Variants in FRMPD4 observed in about 807,000 individuals in gnomAD.
FRMPD4 encodes the protein FERM and PDZ domain containing 4.
Under a neutral mutation model 94.1 loss-of-function variants are expected in FRMPD4, and 22 were observed. That is an observed-to-expected ratio of 0.23 (90% confidence interval 0.17 to 0.33). The LOEUF is 0.33. Among genes scored for constraint, FRMPD4 ranks in the 10% least tolerant of loss-of-function variants. The pLI, the probability that FRMPD4 is intolerant of heterozygous loss-of-function variation, is 1.00. For missense variants in FRMPD4, 1,111 were observed against 1,339.9 expected (o/e 0.83, Z 2.67); for synonymous variants, 631 against 548.6 (o/e 1.15, Z -2.10).
At chrX:12,366,061 A>G (rs1223893936) in intron 1 of FRMPD4, among the ~76,000 whole-genome samples, 1 of 112,104 alleles carries the variant, frequency 8.9e-6, no homozygotes, top group Admixed American at 9.5e-5. Flanking sequence ...AGGGGTTGGG[A>G]TAGAGTTGGA....
intron 3 of FRMPD4, among the ~76,000 whole-genome samples, chrX:11,952,784 C>A (rs1451282537): frequency 8.9e-6 from 1 of 111,738 alleles, no homozygotes; most frequent in Non-Finnish European, 1.9e-5. Flanking sequence ...GACTTTTGGG[C>A]CAAGGATGGC....
At chrX:12,305,179 C>G (rs1040945565) in intron 1 of FRMPD4, among the ~76,000 whole-genome samples, 1 of 112,080 alleles carries the variant, frequency 8.9e-6, no homozygotes, top group Non-Finnish European at 1.9e-5. Flanking sequence ...AGATAGAGGA[C>G]AGGGGAGAGG....
chrX:12,347,751 AATT>A (rs1326842058), intron 1 of FRMPD4, among the ~76,000 whole-genome samples: 1 of 111,589 alleles, frequency 9.0e-6, no homozygotes, highest in African/African-American at 3.3e-5. Context: ...AGTTCATTTA[AATT>A]ATTATTTAAA....
intron 8 of FRMPD4, among the ~76,000 whole-genome samples, chrX:12,692,755 A>C (rs747391708): frequency 4.3e-4 from 48 of 112,606 alleles, no homozygotes; most frequent in Admixed American, 1.4e-3. Flanking sequence ...TTCAAGAAAG[A>C]AAAGTTGAAC....
intron 1 of FRMPD4, among the ~76,000 whole-genome samples, chrX:11,824,255 G>T (rs113734082): frequency 0.049 from 5,345 of 109,858 alleles, 301 homozygotes; most frequent in African/African-American, 0.17. Context: ...AACAAGTTAA[G>T]TTTGGGGCAC....
At chrX:12,657,085 TA>T (rs149487975) in intron 4 of FRMPD4, among the ~76,000 whole-genome samples, 58 of 93,341 alleles carry the variant, frequency 6.2e-4, no homozygotes, top group South Asian at 1.0e-3. Context: ...AAACTCCTTC[TA>T]AAAAAAAAAA....
At chrX:11,997,119 A>AG (rs2054500489) in intron 3 of FRMPD4, among the ~76,000 whole-genome samples, 1 of 111,474 alleles carries the variant, frequency 9.0e-6, no homozygotes, top group Non-Finnish European at 1.9e-5. Context: ...TGGTGGTGTT[A>AG]GGAAACAAGG....
At chrX:12,516,069 C>T (rs1338307611) in intron 2 of FRMPD4, among the ~76,000 whole-genome samples, 1 of 111,565 alleles carries the variant, frequency 9.0e-6, no homozygotes, top group African/African-American at 3.3e-5. Context: ...TTTTCTATCC[C>T]TTTATTTTGA....
chrX:12,542,638 A>G (rs1404282687), intron 2 of FRMPD4, among the ~76,000 whole-genome samples: 1 of 112,048 alleles, frequency 8.9e-6, no homozygotes, highest in Admixed American at 9.5e-5. Flanking sequence ...AGAAGAATCA[A>G]TATCATGAAA....
intron 3 of FRMPD4, among the ~76,000 whole-genome samples, chrX:11,897,150 C>CAAAAAAAAAAAA (rs997285182): frequency 7.4e-5 from 3 of 40,611 alleles, no homozygotes; most frequent in Admixed American, 2.8e-4. Flanking sequence ...GGATGAATTA[C>CAAAAAAAAAAAA]AAAAAAAAAA....
chrX:12,133,989 G>A (rs767188745), upstream of FRMPD4, among the ~76,000 whole-genome samples: 4 of 111,870 alleles, frequency 3.6e-5, no homozygotes, highest in South Asian at 1.1e-3. Context: ...TTCATTTAAC[G>A]CGTTACTCTT....
chrX:12,163,774 C>T (rs950717715), intron 1 of FRMPD4, among the ~76,000 whole-genome samples: 7 of 112,296 alleles, frequency 6.2e-5, no homozygotes, highest in Admixed American at 5.6e-4. Flanking sequence ...ATACAAAAGG[C>T]ACAGGCCCGC....
In FRMPD4 at chrX:12,601,728, G is replaced by A. The variant is rs748881733; in HGVS notation, c.159-7993G>A. Among the ~76,000 whole-genome samples the A allele has an allele frequency of 4.5e-5, 5 of 111,827 alleles. No homozygotes were observed. The South Asian group carries it at 1.9e-3, about 43-fold the overall frequency. ...GAAGAAATTTGAGCAGGGCTTTATG[G>A]TTTCAACCCACATTACGTGCTCCTA... On this transcript the variant is annotated intron_variant, in intron 2 of 16. Coordinates refer to ENST00000675598, the MANE Select transcript of FRMPD4 (RefSeq NM_001368397.1).
intron 2 of FRMPD4, among the ~76,000 whole-genome samples, chrX:12,602,206 C>T (rs1250340568): frequency 1.8e-5 from 2 of 112,161 alleles, no homozygotes; most frequent in Non-Finnish European, 3.8e-5. Context: ...CTTTAACAAT[C>T]CATACTTTGC....
At chrX:11,844,532 T>G (rs1044003608) in intron 1 of FRMPD4, among the ~76,000 whole-genome samples, 3 of 111,452 alleles carry the variant, frequency 2.7e-5, no homozygotes, top group Non-Finnish European at 5.6e-5. Context: ...CTATTGTTTC[T>G]GTGTCTCTGA....
intron 2 of FRMPD4, among the ~76,000 whole-genome samples, chrX:12,506,409 C>A (rs1478962373): frequency 9.0e-6 from 1 of 111,098 alleles, no homozygotes; most frequent in African/African-American, 3.3e-5. Context: ...CCACCTCAGA[C>A]TCCTGAGTAG....
chrX:12,650,215 C>T (rs747213501), intron 4 of FRMPD4, among the ~76,000 whole-genome samples: 1 of 111,858 alleles, frequency 8.9e-6, no homozygotes, highest in Non-Finnish European at 1.9e-5. Flanking sequence ...CTAGAGGAAA[C>T]CCATGTAATT....
chrX:12,591,024 T>C (rs750262219), intron 2 of FRMPD4, among the ~76,000 whole-genome samples: 6 of 111,980 alleles, frequency 5.4e-5, no homozygotes, highest in Non-Finnish European at 7.5e-5. Flanking sequence ...TGATTTCACA[T>C]ATACAGTTGA....
intron 2 of FRMPD4, among the ~76,000 whole-genome samples, chrX:11,875,139 T>C (rs1217948974): frequency 8.9e-6 from 1 of 112,727 alleles, no homozygotes; most frequent in African/African-American, 3.2e-5. Context: ...ATAAATGATT[T>C]TAAAGGCATT....
Sources: allele counts gnomAD v4.1 joint callset (sites outside exome capture counted in the v4.1 genomes callset), GRCh38; gene constraint gnomAD v4.1.1; transcripts MANE v1.5; gene names NCBI Gene and HGNC (gene_info 2026-07-23, HGNC 2026-07-21).